The following SIPA1L3 variants were observed in gnomAD, a reference collection of about 807,000 sequenced individuals.
SIPA1L3 encodes signal-induced proliferation-associated 1-like protein 3.
Under a neutral mutation model 150.1 loss-of-function variants are expected in SIPA1L3, and 59 were observed. The ratio of observed to expected loss-of-function variants is 0.39; its 90% CI spans 0.32 to 0.49. The LOEUF is 0.49. SIPA1L3 is among the 20% of genes least tolerant of loss of function. The probability of loss-of-function intolerance (pLI) is 0.86; values close to 1 mark genes in which losing one functional copy is unlikely to be tolerated. For synonymous variants in SIPA1L3, 1,070 were observed against 1,077.6 expected, an observed-to-expected ratio of 0.99 and a Z score of 0.14; for missense variants, 2,211 against 2,489.5, an observed-to-expected ratio of 0.89 and a Z score of 2.38.
chr19:38,135,990 A>T (rs1361214501), intron 10 of SIPA1L3, among the ~76,000 whole-genome samples: 1 of 151,730 alleles, frequency 6.6e-6, no homozygotes, highest in Non-Finnish European at 1.5e-5. Flanking sequence ...GACACCGAGG[A>T]GAATGCATGG....
intron 19 of SIPA1L3, 72 bp from the exon 20 acceptor site, chr19:38,201,790 G>A (rs1333161988): frequency 2.7e-6 from 4 of 1,506,130 alleles, no homozygotes; most frequent in Non-Finnish European, 2.7e-6. Flanking sequence ...TGCAGGGAGA[G>A]GCGTGGTCCG....
intron 9 of SIPA1L3, among the ~76,000 whole-genome samples, chr19:38,129,425 A>G (rs548504905): frequency 6.6e-6 from 1 of 152,124 alleles, no homozygotes; most frequent in Admixed American, 6.5e-5. Flanking sequence ...GGAGTTCGAG[A>G]CCAGCCTGAC....
At chr19:38,030,623 A>AATACATATATATACATATAT in intron 2 of SIPA1L3, among the ~76,000 whole-genome samples, 1 of 42,630 alleles carries the variant, frequency 2.3e-5, no homozygotes, top group South Asian at 7.6e-4. Flanking sequence ...ATATGTGGCA[A>AATACATATATATACATATAT]ATATATATAT....
At chr19:38,193,411 G>A in intron 17 of SIPA1L3, 126 bp from the exon 18 acceptor site, 1 of 1,138,642 alleles carries the variant, frequency 8.8e-7, no homozygotes, top group Non-Finnish European at 1.1e-6. Context: ...GGAAGGAAAT[G>A]GGGCAGAAAT....
At chr19:38,030,188 C>T (rs1309525958) in intron 2 of SIPA1L3, among the ~76,000 whole-genome samples, 1 of 152,044 alleles carries the variant, frequency 6.6e-6, no homozygotes, top group Non-Finnish European at 1.5e-5. Flanking sequence ...CAGATGTAGA[C>T]AGTTGTGAAA....
chr19:38,171,842 T>C (rs752139771), intron 15 of SIPA1L3, among the ~76,000 whole-genome samples: 2 of 152,004 alleles, frequency 1.3e-5, no homozygotes, highest in Non-Finnish European at 2.9e-5. Context: ...GGGTAACTGA[T>C]TGACACCCTG....
chr19:37,912,717 G>A (rs974198514), intron 1 of SIPA1L3, among the ~76,000 whole-genome samples: 4 of 133,460 alleles, frequency 3.0e-5, no homozygotes, highest in South Asian at 2.2e-4. Flanking sequence ...GACTGGTCTC[G>A]AAGTCCTGGC....
Position 38,192,538 on chromosome 19 carries a change from T to A in SIPA1L3, c.4596+228T>A, listed in dbSNP as rs532544530. On this transcript the variant is annotated intron_variant, in intron 17 of 21. Transcript: ENST00000222345. Reference sequence around the variant, plus strand: ...TCACAGGATAAGCCCAGGCAGGCACTCGGGAATCTACCCCATACCGAGAAC... The same window carrying A: ...TCACAGGATAAGCCCAGGCAGGCACACGGGAATCTACCCCATACCGAGAAC... Among the ~76,000 whole-genome samples, 116 of 152,248 alleles carry A rather than the reference T, an allele frequency of 7.6e-4. 1 individual carries two copies. The East Asian group carries it at 0.015, about 19-fold the overall frequency.
rs988258017 is a variant in SIPA1L3 at position 38,187,092 on chromosome 19, A to G, written c.4430+4352A>G. ...CACTCTGGAAGGCCGAGGCGGGGGA[A>G]TTACTTGAGGCTGGGAGTTGGAAGC... On this transcript the variant is annotated intron_variant, in intron 16 of 21. Coordinates refer to ENST00000222345, the MANE Select transcript of SIPA1L3 (RefSeq NM_015073.3). Among the ~76,000 whole-genome samples, 11 of 151,782 alleles carry G rather than the reference A, an allele frequency of 7.2e-5. No homozygotes were observed. The Middle Eastern group carries it at 0.021, about 284-fold the overall frequency.
intron 13 of SIPA1L3, among the ~76,000 whole-genome samples, chr19:38,154,138 T>G (rs1971890645): frequency 6.6e-6 from 1 of 152,212 alleles, no homozygotes; most frequent in Non-Finnish European, 1.5e-5. Flanking sequence ...AGAATCACAC[T>G]GTGTCTATTT....
chr19:38,041,770 C>T (rs1348974091), intron 2 of SIPA1L3, among the ~76,000 whole-genome samples: 2 of 151,716 alleles, frequency 1.3e-5, no homozygotes, highest in African/African-American at 4.8e-5. Flanking sequence ...AGAGACAGGT[C>T]TCACTATGTT....
Position 38,164,800 on chromosome 19 carries a change from G to T in SIPA1L3, c.4102G>T (p.Ala1368Ser). 1 of 1,611,400 alleles carries T rather than the reference G, an allele frequency of 6.2e-7. No homozygotes were observed. Among genetic ancestry groups the T allele is most frequent in the Non-Finnish European group, 8.5e-7 (1 of 1,178,848 alleles). Residue 1368 changes from alanine (A) to serine (S), a missense_variant, in exon 15 of 22, where the codon GCA (alanine) becomes TCA (serine). Ala to Ser is a moderately conservative substitution (Grantham distance 99). Around this residue, in one of 5 missense-constraint regions of SIPA1L3, gnomAD observed 806 missense variants for 870.1 expected, o/e 0.93. Transcript: ENST00000222345. The surrounding 1 kb of genome is among the most constrained non-coding windows in gnomAD (Gnocchi z 4.1). Reference protein sequence around the residue: ...DRRREVSPAPAVAGQSKGYRP... With the variant: ...DRRREVSPAPSVAGQSKGYRP... ...GCGGCGGGAGGTCTCCCCTGCCCCCGCAGTTGCCGGCCAAAGCAAGGGCTA... is the reference window on the plus strand; with the variant it reads ...GCGGCGGGAGGTCTCCCCTGCCCCCTCAGTTGCCGGCCAAAGCAAGGGCTA...
At chr19:38,152,699 T>C (rs906392399) in intron 12 of SIPA1L3, 141 bp from the exon 13 acceptor site, 43 of 847,160 alleles carry the variant, frequency 5.1e-5, no homozygotes, top group Non-Finnish European at 7.6e-5. Context: ...CATCCAGCCT[T>C]CCTAACCGCT....
chr19:37,939,094 G>A (rs2046628415), intron 1 of SIPA1L3, among the ~76,000 whole-genome samples: 1 of 151,940 alleles, frequency 6.6e-6, no homozygotes, highest in South Asian at 2.1e-4. Context: ...ATACCTTTTT[G>A]TGTACCTCCA....
intron 12 of SIPA1L3, among the ~76,000 whole-genome samples, chr19:38,149,810 A>C (rs1159486046): frequency 6.6e-6 from 1 of 152,186 alleles, no homozygotes; most frequent in Non-Finnish European, 1.5e-5. Flanking sequence ...CTGGTGATCC[A>C]GTCTCATTGC....
chr19:38,141,469 A>C (rs752586077), intron 11 of SIPA1L3, 34 bp downstream of exon 11: 25 of 1,584,520 alleles, frequency 1.6e-5, no homozygotes, highest in Admixed American at 6.8e-5. Context: ...ATACTTCCCA[A>C]CCCCCACCAG....
chr19:38,195,585 G>C (rs534654458), intron 18 of SIPA1L3, among the ~76,000 whole-genome samples: 1 of 152,184 alleles, frequency 6.6e-6, no homozygotes, highest in African/African-American at 2.4e-5. Context: ...GGCTGGTCAC[G>C]AAGTAGATGT....
chr19:38,139,301 T>G (rs1216450828), intron 10 of SIPA1L3, among the ~76,000 whole-genome samples: 1 of 152,088 alleles, frequency 6.6e-6, no homozygotes, highest in South Asian at 2.1e-4. Context: ...GGAGAAAGCT[T>G]CTAATTGGTC....
At chr19:38,030,332 C>T (rs1341898913) in intron 2 of SIPA1L3, among the ~76,000 whole-genome samples, 3 of 151,992 alleles carry the variant, frequency 2.0e-5, no homozygotes, top group Non-Finnish European at 4.4e-5. Context: ...GAGGCTGAGG[C>T]TCGAGGATCG....
Sources: gnomAD v4.1 joint callset for allele counts (sites outside exome capture counted in the v4.1 genomes callset) on GRCh38, gnomAD v4.1.1 for gene constraint, gnomAD v4.1.1 regional missense constraint, Gnocchi (gnomAD v3.1) non-coding constraint, MANE v1.5 for transcripts, NCBI Gene and HGNC (gene_info 2026-07-23, HGNC 2026-07-21) for gene names.